SHISA6: variants seen among roughly 807,000 people sequenced by gnomAD.
SHISA6 encodes the protein protein shisa-6.
SHISA6 carries 22 observed loss-of-function variants against 47.9 expected under a neutral mutation model. The observed-to-expected ratio is 0.46, with a 90% CI of 0.33 to 0.66. SHISA6 has a LOEUF of 0.66. Among genes scored for constraint, SHISA6 ranks in the 30% least tolerant of loss-of-function variants. The probability of loss-of-function intolerance (pLI) is 0.02; values close to 1 mark genes in which losing one functional copy is unlikely to be tolerated. For missense variants in SHISA6, 680 were observed against 764.6 expected, an observed-to-expected ratio of 0.89 and a Z score of 1.30; for synonymous variants, 388 against 337.8, an observed-to-expected ratio of 1.15 and a Z score of -1.63.
chr17:11,350,218 C>G (rs541355463), intron 2 of SHISA6, among the ~76,000 whole-genome samples: 2 of 111,192 alleles, frequency 1.8e-5, no homozygotes, highest in East Asian at 2.7e-4. Context: ...CTCGCTCTGT[C>G]GCCCAGGCTG....
intron 3 of SHISA6, among the ~76,000 whole-genome samples, chr17:11,467,590 T>G (rs1915841765): frequency 6.6e-6 from 1 of 152,184 alleles, no homozygotes; most frequent in South Asian, 2.1e-4. Flanking sequence ...CTTAAGAGCC[T>G]CTGAGCCTGC....
At chr17:11,406,750 T>C (rs1913975511) in intron 3 of SHISA6, among the ~76,000 whole-genome samples, 1 of 152,192 alleles carries the variant, frequency 6.6e-6, no homozygotes, top group Admixed American at 6.5e-5. Context: ...CTTTTTTTCC[T>C]GCTTTCTCTA....
chr17:11,286,884 A>G (rs1018745985), intron 2 of SHISA6, among the ~76,000 whole-genome samples: 9 of 152,240 alleles, frequency 5.9e-5, no homozygotes, highest in African/African-American at 1.9e-4. Context: ...GAATGATAGA[A>G]AAGAAAAGGT....
rs141669070 is a variant in SHISA6 at position 11,472,025 on chromosome 17, G to T, written c.896-79871G>T. On this transcript the variant is annotated intron_variant, in intron 3 of 5. Transcript: ENST00000441885. ...TGTGGGTTTTGACAAAAGTATAATG[G>T]TGTGTATTCATTATTATAGTATCTG... is the stretch of plus-strand genomic sequence containing the variant. 1.6e-3 allele frequency among the ~76,000 whole-genome samples: 238 copies of T among 152,178 alleles called. 1 individual carries two copies. Among genetic ancestry groups the T allele is most frequent in the African/African-American group, 5.3e-3 (218 of 41,518 alleles).
At chr17:11,343,802 A>G (rs1911611480) in intron 2 of SHISA6, among the ~76,000 whole-genome samples, 2 of 152,248 alleles carry the variant, frequency 1.3e-5, no homozygotes. Context: ...ATGAAGGACA[A>G]GAGGATGTGA....
intron 1 of SHISA6, among the ~76,000 whole-genome samples, chr17:11,249,312 G>A (rs1907714412): frequency 6.6e-6 from 1 of 151,926 alleles, no homozygotes; most frequent in South Asian, 2.1e-4. Flanking sequence ...GTGCGTGTGT[G>A]TGGACGTGTG....
intron 3 of SHISA6, among the ~76,000 whole-genome samples, chr17:11,540,555 G>A (rs2071825054): frequency 6.6e-6 from 1 of 152,238 alleles, no homozygotes; most frequent in African/African-American, 2.4e-5. Context: ...GTCTCTTGGG[G>A]GTTCCATACA....
At chr17:11,523,641 T>A (rs1406330971) in intron 3 of SHISA6, among the ~76,000 whole-genome samples, 1 of 152,170 alleles carries the variant, frequency 6.6e-6, no homozygotes. Flanking sequence ...TTAAAATGTA[T>A]CCATGTTTAT....
intron 3 of SHISA6, among the ~76,000 whole-genome samples, chr17:11,391,676 C>T (rs1455326581): frequency 6.6e-6 from 1 of 152,158 alleles, no homozygotes; most frequent in East Asian, 1.9e-4. Flanking sequence ...CCCAGAGACT[C>T]AACCATGGCC....
At chr17:11,528,754 G>A (rs2071708130) in intron 3 of SHISA6, among the ~76,000 whole-genome samples, 1 of 152,120 alleles carries the variant, frequency 6.6e-6, no homozygotes, top group Non-Finnish European at 1.5e-5. Flanking sequence ...ATGCTTTTGG[G>A]CAACAGACTC....
chr17:11,441,135 C>T (rs995036876), intron 3 of SHISA6, among the ~76,000 whole-genome samples: 1 of 152,192 alleles, frequency 6.6e-6, no homozygotes, highest in East Asian at 1.9e-4. Context: ...AGGCCCATCT[C>T]AAGCCCTTCT....
In SHISA6 at chr17:11,241,919, A is replaced by G. The variant is rs1236045705; in HGVS notation, c.497A>G (p.Lys166Arg). The G allele has an allele frequency of 6.4e-7, 1 of 1,550,942 alleles. No homozygotes were observed. Among genetic ancestry groups the G allele is most frequent in the Non-Finnish European group, 8.7e-7 (1 of 1,147,026 alleles). Residue 166 changes from lysine (K) to arginine (R), a missense_variant, in exon 1 of 6, where the codon AAG becomes AGG. This residue lies in a region of SHISA6 where 559 missense variants were observed against 674.1 expected (regional missense o/e 0.83). Coordinates refer to ENST00000441885, the MANE Select transcript of SHISA6 (RefSeq NM_207386.4). This position sits in a 1 kb window ranked among gnomAD's most constrained non-coding sequence, Gnocchi z 5.5. ...TKVVSPGPEN[K>R]YDPEKDKTNF... ...GTGGTGTCGCCGGGGCCCGAGAACA[A>G]GTACGACCCGGAGAAGGACAAGACC...
intron 3 of SHISA6, among the ~76,000 whole-genome samples, chr17:11,381,164 C>T (rs977339076): frequency 6.6e-6 from 1 of 152,094 alleles, no homozygotes; most frequent in Non-Finnish European, 1.5e-5. Flanking sequence ...AAACAGAACA[C>T]GGCAACTGTT....
intron 1 of SHISA6, among the ~76,000 whole-genome samples, chr17:11,249,538 C>G (rs1907724654): frequency 1.3e-5 from 2 of 152,002 alleles, no homozygotes; most frequent in Admixed American, 1.3e-4. Flanking sequence ...GGGGGTTTTC[C>G]CTGTAATGTG....
At chr17:11,342,949 C>G (rs1911587982) in intron 2 of SHISA6, among the ~76,000 whole-genome samples, 1 of 152,170 alleles carries the variant, frequency 6.6e-6, no homozygotes, top group Admixed American at 6.5e-5. Flanking sequence ...ACTTCTTGTT[C>G]AAGCCTCTCA....
At chr17:11,497,978 T>C (rs748793908) in intron 3 of SHISA6, among the ~76,000 whole-genome samples, 3 of 152,194 alleles carry the variant, frequency 2.0e-5, no homozygotes, top group Non-Finnish European at 4.4e-5. Context: ...TCTTTATATA[T>C]TCATCCCCCA....
intron 2 of SHISA6, among the ~76,000 whole-genome samples, chr17:11,337,333 G>A (rs1356855059): frequency 6.6e-6 from 1 of 152,146 alleles, no homozygotes; most frequent in Non-Finnish European, 1.5e-5. Context: ...GTACCATGTA[G>A]CATGTCCCAC....
intron 3 of SHISA6, among the ~76,000 whole-genome samples, chr17:11,462,507 T>G: frequency 6.6e-6 from 1 of 152,222 alleles, no homozygotes; most frequent in Non-Finnish European, 1.5e-5. Context: ...GTCTACTCTC[T>G]GGCTACTACT....
chr17:11,347,457 C>T (rs1943897984), intron 2 of SHISA6, among the ~76,000 whole-genome samples: 1 of 152,122 alleles, frequency 6.6e-6, no homozygotes, highest in African/African-American at 2.4e-5. Flanking sequence ...TCAATTATAC[C>T]TTTGATAGAG....
Sources: gnomAD v4.1 joint callset for allele counts (sites outside exome capture counted in the v4.1 genomes callset) on GRCh38, gnomAD v4.1.1 for gene constraint, gnomAD v4.1.1 regional missense constraint, Gnocchi (gnomAD v3.1) non-coding constraint, MANE v1.5 for transcripts, NCBI Gene and HGNC (gene_info 2026-07-23, HGNC 2026-07-21) for gene names.